Variants in TMEM45A observed in about 807,000 individuals in gnomAD.
The protein encoded by TMEM45A is transmembrane protein 45A.
In TMEM45A, 25 loss-of-function variants were observed where a neutral mutation model predicts 32.0. The ratio of observed to expected loss-of-function variants is 0.78; its 90% CI spans 0.57 to 1.09. The LOEUF (loss-of-function observed/expected upper bound fraction) is 1.09. TMEM45A is among the 50% of genes least tolerant of loss of function. The probability of loss-of-function intolerance (pLI) is 0.00; values close to 1 mark genes in which losing one functional copy is unlikely to be tolerated. For synonymous variants in TMEM45A, 122 were observed against 114.8 expected (o/e 1.06, Z -0.40); for missense variants, 302 against 325.0 (o/e 0.93, Z 0.54).
intron 4 of TMEM45A, among the ~76,000 whole-genome samples, chr3:100,565,879 C>T (rs1245151846): frequency 1.3e-5 from 2 of 152,168 alleles, no homozygotes; most frequent in Non-Finnish European, 2.9e-5. Flanking sequence ...TGTTCCAAAA[C>T]ATTTTCATCA....
intron 1 of TMEM45A, among the ~76,000 whole-genome samples, chr3:100,495,883 G>A (rs574772602): frequency 2.2e-4 from 34 of 152,224 alleles, no homozygotes; most frequent in African/African-American, 7.7e-4. Flanking sequence ...CTCCCCATCC[G>A]CATACACGCC....
chr3:100,506,256 T>A (rs1708078665), intron 1 of TMEM45A, among the ~76,000 whole-genome samples: 1 of 152,220 alleles, frequency 6.6e-6, no homozygotes, highest in African/African-American at 2.4e-5. Context: ...CACTGCTCCA[T>A]ATTTGCCTAA....
At chr3:100,543,899 T>C (rs772748123) in intron 1 of TMEM45A, among the ~76,000 whole-genome samples, 1 of 152,184 alleles carries the variant, frequency 6.6e-6, no homozygotes, top group Non-Finnish European at 1.5e-5. Context: ...TTAGTTAATC[T>C]CTAACTGTAT....
chr3:100,558,664 G>T (rs934323411), intron 4 of TMEM45A, 75 bp downstream of exon 4: 2 of 1,490,110 alleles, frequency 1.3e-6, no homozygotes, highest in Non-Finnish European at 9.2e-7. Context: ...GAGGCAGTTT[G>T]CTCCCGGAGA....
chr3:100,513,531 CA>C (rs1287118132), intron 1 of TMEM45A, among the ~76,000 whole-genome samples: 1 of 150,808 alleles, frequency 6.6e-6, no homozygotes, highest in Non-Finnish European at 1.5e-5. Context: ...ACTGAATGGG[CA>C]AAAACTGGAA....
At chr3:100,548,891 C>T (rs916392284) in intron 1 of TMEM45A, among the ~76,000 whole-genome samples, 2 of 152,120 alleles carry the variant, frequency 1.3e-5, no homozygotes, top group Non-Finnish European at 1.5e-5. Flanking sequence ...CCTATAACTT[C>T]GGTTTTGGCC....
intron 1 of TMEM45A, among the ~76,000 whole-genome samples, chr3:100,496,779 T>C (rs2148922575): frequency 6.6e-6 from 1 of 152,356 alleles, no homozygotes; most frequent in East Asian, 1.9e-4. Flanking sequence ...TCAATACATG[T>C]CAATTGAATG....
At chr3:100,550,102 G>C (rs370048736) in intron 1 of TMEM45A, among the ~76,000 whole-genome samples, 32 of 145,590 alleles carry the variant, frequency 2.2e-4, no homozygotes, top group African/African-American at 7.2e-4. Context: ...GCTAGATGAC[G>C]AGTTAGTGGG....
chr3:100,518,097 G>A lies in TMEM45A; in HGVS notation c.-4+25169G>A, dbSNP rs558025035. On this transcript the variant is annotated intron_variant, in intron 1 of 5. Coordinates refer to ENST00000323523, the MANE Select transcript of TMEM45A (RefSeq NM_018004.3). The stretch of plus-strand genomic sequence containing the variant: ...AGACCCTGAACAGTATGAAGGGGAA[G>A]GCTAGTTAAGAAGCAGAAAGAAAAA... Among the ~76,000 whole-genome samples the A allele has an allele frequency of 9.8e-5, 15 of 152,310 alleles. No individual in the cohort carries two copies. The South Asian group carries it at 3.1e-3, about 32-fold the overall frequency.
chr3:100,557,080 AC>A, intron 3 of TMEM45A, 108 bp downstream of exon 3: 1 of 1,221,184 alleles, frequency 8.2e-7, no homozygotes. Flanking sequence ...GATTGATAGG[AC>A]CATATATCTG....
chr3:100,525,903 G>A (rs1295511476), intron 1 of TMEM45A, among the ~76,000 whole-genome samples: 1 of 152,126 alleles, frequency 6.6e-6, no homozygotes, highest in Non-Finnish European at 1.5e-5. Context: ...CCTCTGAAGC[G>A]TCACTGACCA....
rs1317648098 is a variant in TMEM45A, at chr3:100,514,262, C to T, written c.-4+21334C>T. Among the ~76,000 whole-genome samples the T allele has an allele frequency of 3.4e-4, 51 of 152,144 alleles. 1 individual carries two copies. The highest frequency in any genetic ancestry group is 9.6e-4 in the East Asian group (5 of 5,182). Reference sequence around the variant, plus strand: ...TACAGTCACCAAAACAGCATGGTACCGGTACCAAAACAGAGATATAGATGA... The same window carrying T: ...TACAGTCACCAAAACAGCATGGTACTGGTACCAAAACAGAGATATAGATGA... On this transcript the variant is annotated intron_variant, in intron 1 of 5. Coordinates refer to ENST00000323523, the MANE Select transcript of TMEM45A (RefSeq NM_018004.3).
intron 1 of TMEM45A, among the ~76,000 whole-genome samples, chr3:100,537,636 G>GATC (rs1296008372): frequency 6.6e-6 from 1 of 152,222 alleles, no homozygotes; most frequent in African/African-American, 2.4e-5. Flanking sequence ...AGAGCAGGAT[G>GATC]ACAGGAAGAG....
At chr3:100,511,817 T>G (rs1708168167) in intron 1 of TMEM45A, among the ~76,000 whole-genome samples, 1 of 152,032 alleles carries the variant, frequency 6.6e-6, no homozygotes, top group Non-Finnish European at 1.5e-5. Flanking sequence ...AGGCAGGGGT[T>G]GCAATTCTCC....
chr3:100,551,555 A>T (rs1158328610), intron 1 of TMEM45A, among the ~76,000 whole-genome samples: 1 of 152,234 alleles, frequency 6.6e-6, no homozygotes, highest in African/African-American at 2.4e-5. Flanking sequence ...TTGCACCTGA[A>T]GGCAACAGTA....
At chr3:100,566,562 T>A (rs1270172979) in intron 4 of TMEM45A, among the ~76,000 whole-genome samples, 2 of 152,180 alleles carry the variant, frequency 1.3e-5, no homozygotes, top group South Asian at 2.1e-4. Context: ...CTCATTTTCA[T>A]GTATTATTAT....
intron 1 of TMEM45A, among the ~76,000 whole-genome samples, chr3:100,538,221 C>T (rs182626690): frequency 1.3e-5 from 2 of 152,154 alleles, no homozygotes; most frequent in African/African-American, 4.8e-5. Flanking sequence ...CCTATCATAT[C>T]CCATCTTTGC....
rs752033022 is a variant in TMEM45A at position 100,556,887 on chromosome 3, T to A, written c.318T>A (p.Gly106=). 6.2e-7 allele frequency: 1 copy of A among 1,614,086 alleles called. No homozygotes were observed. The highest frequency in any genetic ancestry group is 8.5e-7 in the Non-Finnish European group (1 of 1,180,028). ...FTMYFFFGLL[G]VADILCFTIS... ...TGTATTTCTTCTTTGGGCTGTTGGG[T>A]GTGGCAGATATCTTATGTTTCACCA... The change falls in exon 3 of 6, where the codon GGT becomes GGA. Residue 106 remains glycine, a synonymous_variant. Coordinates refer to ENST00000323523, the MANE Select transcript of TMEM45A (RefSeq NM_018004.3).
At chr3:100,515,947 GA>G (rs1708255580) in intron 1 of TMEM45A, among the ~76,000 whole-genome samples, 1 of 152,094 alleles carries the variant, frequency 6.6e-6, no homozygotes, top group South Asian at 2.1e-4. Context: ...TGACTATCAT[GA>G]ACAACAATAT....
Sources: allele counts gnomAD v4.1 joint callset (sites outside exome capture counted in the v4.1 genomes callset), GRCh38; gene constraint gnomAD v4.1.1; transcripts MANE v1.5; gene names NCBI Gene and HGNC (gene_info 2026-07-23, HGNC 2026-07-21).